Variants in SLC9A2 observed in about 807,000 individuals in gnomAD.
SLC9A2 encodes solute carrier family 9 member A2, also known as sodium/hydrogen exchanger 2.
Under a neutral mutation model 71.7 loss-of-function variants are expected in SLC9A2, and 42 were observed. That is an observed-to-expected ratio of 0.59 (90% CI 0.46 to 0.76). SLC9A2 has a LOEUF of 0.76. SLC9A2 is among the 30% of genes least tolerant of loss of function. The probability of loss-of-function intolerance (pLI) is 0.00; values close to 1 mark genes in which losing one functional copy is unlikely to be tolerated. For synonymous variants in SLC9A2, 396 were observed against 392.5 expected (o/e 1.01, Z -0.10); for missense variants, 829 against 1,017.4 (o/e 0.81, Z 2.52).
intron 3 of SLC9A2, among the ~76,000 whole-genome samples, chr2:102,671,042 C>A (rs1260404023): frequency 6.6e-6 from 1 of 152,014 alleles, no homozygotes; most frequent in Non-Finnish European, 1.5e-5. Flanking sequence ...GTAGGACATT[C>A]ATAAAACATT....
intron 1 of SLC9A2, among the ~76,000 whole-genome samples, chr2:102,636,099 T>G (rs556374839): frequency 6.6e-6 from 1 of 152,190 alleles, no homozygotes; most frequent in Admixed American, 6.5e-5. Flanking sequence ...ACTGTAGAAC[T>G]ATATGGAACT....
chr2:102,620,253 C>A, intron 1 of SLC9A2, 116 bp downstream of exon 1: 4 of 832,376 alleles, frequency 4.8e-6, no homozygotes, highest in Non-Finnish European at 7.2e-6. Flanking sequence ...TGAATCAGGG[C>A]AGGGACGACA....
At chr2:102,621,855 T>G (rs1558697948) in intron 1 of SLC9A2, among the ~76,000 whole-genome samples, 1 of 152,128 alleles carries the variant, frequency 6.6e-6, no homozygotes, top group Non-Finnish European at 1.5e-5. Context: ...TCTGGTCAGT[T>G]AGAGAGAAAA....
At chr2:102,639,038 G>C (rs1014656337) in intron 1 of SLC9A2, among the ~76,000 whole-genome samples, 8 of 152,120 alleles carry the variant, frequency 5.3e-5, no homozygotes, top group Admixed American at 1.3e-4. Context: ...TTAAAAATCA[G>C]CCAGATGTGC....
rs371379516 is a variant in SLC9A2, at chr2:102,660,656, A to G, written c.753+2629A>G. Among the ~76,000 whole-genome samples, 107 of 152,272 alleles carry G rather than the reference A, an allele frequency of 7.0e-4. 1 individual carries two copies. Among genetic ancestry groups the G allele is most frequent in the African/African-American group, 2.4e-3 (100 of 41,562 alleles). ...ATTCATTCAGGCTTATCTGTAGGAGAGGTTAAAGGAACTCATGGACTTTGG... is the reference window on the plus strand; with the variant it reads ...ATTCATTCAGGCTTATCTGTAGGAGGGGTTAAAGGAACTCATGGACTTTGG... On this transcript the variant is annotated intron_variant, in intron 2 of 11. Coordinates refer to ENST00000233969, the MANE Select transcript of SLC9A2 (RefSeq NM_003048.6).
In SLC9A2 at chr2:102,648,660, G is replaced by A. The variant is rs549954211; in HGVS notation, c.290-8904G>A. On this transcript the variant is annotated intron_variant, in intron 1 of 11. Transcript: ENST00000233969. Reference sequence around the variant, plus strand: ...CAAAGTCTCAGGATACAAAATCAATGTCCAAAAATCACAAATATTCCTATA... The same window carrying A: ...CAAAGTCTCAGGATACAAAATCAATATCCAAAAATCACAAATATTCCTATA... 3.9e-5 allele frequency among the ~76,000 whole-genome samples: 6 copies of A among 152,274 alleles called. No homozygotes were observed. In the East Asian group the frequency reaches 1.2e-3, roughly 29 times the overall value.
At chr2:102,631,619 G>A (rs1487428766) in intron 1 of SLC9A2, among the ~76,000 whole-genome samples, 2 of 151,792 alleles carry the variant, frequency 1.3e-5, no homozygotes, top group Non-Finnish European at 2.9e-5. Flanking sequence ...CATATTGTTG[G>A]ATATCTCTGT....
chr2:102,695,836 A>G (rs1368302481), intron 7 of SLC9A2, among the ~76,000 whole-genome samples: 1 of 116,088 alleles, frequency 8.6e-6, no homozygotes, highest in Non-Finnish European at 2.0e-5. Context: ...AAAAGCTAAA[A>G]TTATCTGAAA....
chr2:102,652,533 A>C (rs1676854073), intron 1 of SLC9A2, among the ~76,000 whole-genome samples: 1 of 152,156 alleles, frequency 6.6e-6, no homozygotes, highest in African/African-American at 2.4e-5. Context: ...AGTCTTCTTG[A>C]GTCTCTGCTT....
intron 1 of SLC9A2, among the ~76,000 whole-genome samples, chr2:102,651,860 C>T (rs1190429186): frequency 2.0e-5 from 3 of 152,244 alleles, no homozygotes; most frequent in Middle Eastern, 3.4e-3. Flanking sequence ...ATATATAATG[C>T]CTCAATATTC....
At chr2:102,631,150 A>G (rs1015320907) in intron 1 of SLC9A2, among the ~76,000 whole-genome samples, 2 of 152,080 alleles carry the variant, frequency 1.3e-5, no homozygotes, top group Non-Finnish European at 2.9e-5. Flanking sequence ...ATGTGATTCA[A>G]GTACTATAGA....
At chr2:102,646,728 G>T (rs1045035887) in intron 1 of SLC9A2, among the ~76,000 whole-genome samples, 4 of 148,176 alleles carry the variant, frequency 2.7e-5, no homozygotes, top group Non-Finnish European at 4.4e-5. Flanking sequence ...ATTACATAAT[G>T]GTAAAAGGAT....
intron 5 of SLC9A2, among the ~76,000 whole-genome samples, chr2:102,693,663 C>T (rs1478902556): frequency 6.6e-6 from 1 of 152,216 alleles, no homozygotes; most frequent in Non-Finnish European, 1.5e-5. Flanking sequence ...CCACTGCCCA[C>T]CAGTGTCTCC....
intron 11 of SLC9A2, among the ~76,000 whole-genome samples, chr2:102,707,003 C>T (rs1266648125): frequency 1.3e-5 from 2 of 151,982 alleles, no homozygotes; most frequent in Non-Finnish European, 2.9e-5. Flanking sequence ...AATAGAAAAC[C>T]AAATACCATA....
In SLC9A2 at chr2:102,692,506, G is replaced by A. The variant is rs577386631; in HGVS notation, c.1426-1908G>A. Among the ~76,000 whole-genome samples the A allele has an allele frequency of 2.0e-5, 3 of 152,232 alleles. No homozygotes were observed. In the South Asian group the frequency reaches 6.2e-4, roughly 32 times the overall value. On this transcript the variant is annotated intron_variant, in intron 5 of 11. Transcript: ENST00000233969. ...CCCTTCCTATCCATGTATCCTTCCT[G>A]CAGGCCAGGAAGTAGTGGCCATCTG... is the stretch of plus-strand genomic sequence containing the variant.
At position 102,711,132 on chromosome 2, in the gene SLC9A2, G is replaced by C. The variant is rs1172140944; in HGVS notation, c.*2643G>C. The C allele has an allele frequency of 6.6e-6, 1 of 152,192 alleles. No homozygotes were observed. The highest frequency in any genetic ancestry group is 6.6e-5 in the Admixed American group (1 of 15,252). The allele number at this position is 152,192 out of a possible 1,614,324, so 9.4% of individuals were successfully genotyped here. On this transcript the variant is annotated 3_prime_UTR_variant, in exon 12 of 12. Transcript: ENST00000233969. ...TGTACTGTTTTATCTGGGCGGTGAGGGTATTGATTTACATAAAAACTGTAG... is the reference window on the plus strand; with the variant it reads ...TGTACTGTTTTATCTGGGCGGTGAGCGTATTGATTTACATAAAAACTGTAG...
intron 5 of SLC9A2, chr2:102,689,654 C>T (rs1201318931): frequency 1.3e-5 from 2 of 152,186 alleles, no homozygotes; most frequent in South Asian, 2.1e-4. Context: ...TACTTTACAA[C>T]AATCCTACAA....
chr2:102,705,749 A>T, intron 10 of SLC9A2, 97 bp from the exon 11 acceptor site: 1 of 659,220 alleles, frequency 1.5e-6, no homozygotes, highest in Non-Finnish European at 2.4e-6. Flanking sequence ...TAAAATTCTG[A>T]TTTTTAACAT....
In SLC9A2 at chr2:102,709,381, T is replaced by C. The variant is rs1400318149; in HGVS notation, c.*892T>C. The C allele has an allele frequency of 6.6e-6, 1 of 152,464 alleles. No homozygotes were observed. Among genetic ancestry groups the C allele is most frequent in the Non-Finnish European group, 1.5e-5 (1 of 68,046 alleles). The allele number at this position is 152,464 out of a possible 1,614,324, so 9.4% of individuals were successfully genotyped here. A position where few individuals can be genotyped will look rare whatever the true frequency, so the allele number is the denominator to read the frequency against. ...CAACTTGCTGGTGGGTTTTATGTTG[T>C]GCAATACTAGGAGGAGGAGGCAGGT... On this transcript the variant is annotated 3_prime_UTR_variant, in exon 12 of 12. Coordinates refer to ENST00000233969, the MANE Select transcript of SLC9A2 (RefSeq NM_003048.6).
Sources: gnomAD v4.1 joint callset for allele counts (sites outside exome capture counted in the v4.1 genomes callset) on GRCh38, gnomAD v4.1.1 for gene constraint, MANE v1.5 for transcripts, NCBI Gene and HGNC (gene_info 2026-07-23, HGNC 2026-07-21) for gene names.